Variants in PDE4D observed in about 807,000 individuals in gnomAD.
The protein encoded by PDE4D is phosphodiesterase 4D.
PDE4D carries 24 observed loss-of-function variants against 87.4 expected under a neutral mutation model. That is an observed-to-expected ratio of 0.27 (90% CI 0.20 to 0.39). The LOEUF (loss-of-function observed/expected upper bound fraction) is 0.39. PDE4D is among the 10% of genes least tolerant of loss of function. PDE4D has a pLI of 1.00. For missense variants in PDE4D, 714 were observed against 1,041.0 expected (o/e 0.69, Z 4.32); for synonymous variants, 384 against 383.2 (o/e 1.00, Z -0.02).
intron 1 of PDE4D, chr5:59,558,424 A>G (rs1196200100): frequency 6.6e-6 from 1 of 152,154 alleles, no homozygotes; most frequent in Admixed American, 6.6e-5. Context: ...TAACTGGGTA[A>G]AAGCATATCA....
At chr5:59,101,436 A>G (rs1220300095) in intron 5 of PDE4D, among the ~76,000 whole-genome samples, 2 of 152,176 alleles carry the variant, frequency 1.3e-5, no homozygotes, top group African/African-American at 4.8e-5. Flanking sequence ...AAAGAAAAAG[A>G]TGACAGGCCT....
At chr5:60,383,140 T>C (rs1761978454) in intron 1 of PDE4D, among the ~76,000 whole-genome samples, 1 of 152,166 alleles carries the variant, frequency 6.6e-6, no homozygotes, top group African/African-American at 2.4e-5. Flanking sequence ...TCTAAAAGAA[T>C]AATTAGGTGG....
rs190337619 is a variant in PDE4D at position 59,593,367 on chromosome 5, T to G, written c.455+299801A>C. ...TGTTGTAAGAATGCACACTTATTCT[T>G]TCATTTATCCTGATTAGATGTATCC... On this transcript the variant is annotated intron_variant, in intron 1 of 14. Coordinates refer to ENST00000340635, the MANE Select transcript of PDE4D (RefSeq NM_001104631.2). 5.6e-4 allele frequency among the ~76,000 whole-genome samples: 86 copies of G among 152,250 alleles called. 1 individual carries two copies. The highest frequency in any genetic ancestry group is 2.0e-3 in the African/African-American group (83 of 41,548).
intron 2 of PDE4D, among the ~76,000 whole-genome samples, chr5:59,197,157 G>A (rs546728876): frequency 3.3e-5 from 5 of 151,942 alleles, no homozygotes; most frequent in African/African-American, 1.2e-4. Flanking sequence ...TTTTTATATA[G>A]ATTGCAGTGG....
At chr5:59,461,138 A>G (rs1033449870) in intron 1 of PDE4D, among the ~76,000 whole-genome samples, 2 of 152,144 alleles carry the variant, frequency 1.3e-5, no homozygotes, top group Admixed American at 6.5e-5. Flanking sequence ...TTACAACTTC[A>G]TAGAGCAACA....
intron 1 of PDE4D, among the ~76,000 whole-genome samples, chr5:59,855,354 A>G (rs900644308): frequency 4.6e-5 from 7 of 152,198 alleles, no homozygotes; most frequent in Non-Finnish European, 4.4e-5. Flanking sequence ...TTTTATTTAC[A>G]AAGATACACG....
intron 1 of PDE4D, among the ~76,000 whole-genome samples, chr5:59,457,223 T>C (rs1391457104): frequency 6.6e-6 from 1 of 152,216 alleles, no homozygotes; most frequent in Non-Finnish European, 1.5e-5. Flanking sequence ...ACAGCTTCTC[T>C]GACCTTCAGC....
intron 6 of PDE4D, among the ~76,000 whole-genome samples, chr5:59,010,308 CAG>C (rs1440399135): frequency 6.6e-6 from 1 of 152,026 alleles, no homozygotes; most frequent in Non-Finnish European, 1.5e-5. Context: ...GCCGGGGTGA[CAG>C]AGATTCTGTC....
intron 1 of PDE4D, among the ~76,000 whole-genome samples, chr5:59,335,430 T>C (rs1316251531): frequency 6.6e-6 from 1 of 152,192 alleles, no homozygotes; most frequent in Admixed American, 6.5e-5. Context: ...TTCACAGTCT[T>C]GCTCAGGGTC....
chr5:60,185,446 A>G (rs1784704767), intron 2 of PDE4D: 2 of 625,224 alleles, frequency 3.2e-6, no homozygotes, highest in Admixed American at 2.5e-5. Context: ...AAGTTGACTA[A>G]ACGTTTCCCA....
At chr5:59,126,954 G>C (rs535973170) in intron 5 of PDE4D, among the ~76,000 whole-genome samples, 8 of 152,226 alleles carry the variant, frequency 5.3e-5, no homozygotes, top group African/African-American at 1.9e-4. Flanking sequence ...GAAAGGATTC[G>C]ATCAATTGTG....
intron 2 of PDE4D, among the ~76,000 whole-genome samples, chr5:60,090,992 G>A (rs1214022219): frequency 6.6e-6 from 1 of 152,022 alleles, no homozygotes; most frequent in East Asian, 1.9e-4. Context: ...ATGACCTCTG[G>A]AATGAAAACT....
At chr5:59,365,286 C>T (rs1782872014) in intron 1 of PDE4D, among the ~76,000 whole-genome samples, 1 of 151,982 alleles carries the variant, frequency 6.6e-6, no homozygotes, top group African/African-American at 2.4e-5. Context: ...TGGCTAGATC[C>T]CATCTCTACA....
At chr5:59,381,986 A>G (rs1385602819) in intron 1 of PDE4D, among the ~76,000 whole-genome samples, 1 of 152,170 alleles carries the variant, frequency 6.6e-6, no homozygotes, top group Non-Finnish European at 1.5e-5. Flanking sequence ...CTGAAAAGGC[A>G]TCTTTTCCTC....
chr5:59,299,175 T>A (rs540904624), intron 1 of PDE4D, among the ~76,000 whole-genome samples: 13 of 152,318 alleles, frequency 8.5e-5, no homozygotes, highest in African/African-American at 3.1e-4. Context: ...CAAGGGCTAT[T>A]TTCTGGCTGC....
chr5:59,236,625 C>T lies in PDE4D; in HGVS notation c.456-20657G>A, dbSNP rs17528223. Among the ~76,000 whole-genome samples, 1,059 of 152,220 alleles carry T rather than the reference C, an allele frequency of 7.0e-3. 11 individuals are homozygous for T. The highest frequency in any genetic ancestry group is 0.011 in the Non-Finnish European group (759 of 68,024). ...CATATTCCTCTATGCTGTGCTTACT[C>T]GGGAGCGGGAGTGGTGAGAAGAGCC... On this transcript the variant is annotated intron_variant, in intron 1 of 14. Coordinates refer to ENST00000340635, the MANE Select transcript of PDE4D (RefSeq NM_001104631.2).
At chr5:59,847,328 T>C (rs1017339599) in intron 1 of PDE4D, among the ~76,000 whole-genome samples, 4 of 152,030 alleles carry the variant, frequency 2.6e-5, no homozygotes, top group African/African-American at 9.7e-5. Context: ...CAAGGTTGGA[T>C]CTACAATATT....
intron 1 of PDE4D, among the ~76,000 whole-genome samples, chr5:59,565,355 CA>C (rs578004401): frequency 1.3e-5 from 2 of 151,928 alleles, no homozygotes; most frequent in Non-Finnish European, 2.9e-5. Context: ...CCTATATTTA[CA>C]AAAAAATAAA....
chr5:59,962,959 TC>T (rs1759640226), intron 3 of PDE4D, among the ~76,000 whole-genome samples: 2 of 152,196 alleles, frequency 1.3e-5, no homozygotes, highest in African/African-American at 2.4e-5. Flanking sequence ...AGCTGCTCTG[TC>T]CCCACAGAAA....
Sources: allele counts gnomAD v4.1 joint callset (sites outside exome capture counted in the v4.1 genomes callset), GRCh38; gene constraint gnomAD v4.1.1; transcripts MANE v1.5; gene names NCBI Gene and HGNC (gene_info 2026-07-23, HGNC 2026-07-21).